PTBP2: variants seen among roughly 807,000 people sequenced by gnomAD.
The protein encoded by PTBP2 is polypyrimidine tract binding protein 2.
PTBP2 carries 13 observed loss-of-function variants against 61.4 expected under a neutral mutation model. That is an observed-to-expected ratio of 0.21 (90% CI 0.14 to 0.34). The LOEUF (loss-of-function observed/expected upper bound fraction) is 0.34, where lower values mean the gene tolerates loss of function less well. Among genes scored for constraint, PTBP2 ranks in the 10% least tolerant of loss-of-function variants. PTBP2 has a pLI of 1.00. For missense variants in PTBP2, 405 were observed against 642.6 expected, an observed-to-expected ratio of 0.63 and a Z score of 4.00; for synonymous variants, 215 against 218.5, an observed-to-expected ratio of 0.98 and a Z score of 0.14.
intron 2 of PTBP2, 74 bp downstream of exon 2, chr1:96,723,668 C>A: frequency 1.5e-6 from 2 of 1,339,074 alleles, no homozygotes; most frequent in African/African-American, 1.4e-5. Context: ...TTAGCTTTTG[C>A]TTTTGAAAAC....
intron 2 of PTBP2, among the ~76,000 whole-genome samples, chr1:96,726,267 C>T (rs1461925120): frequency 6.7e-6 from 1 of 148,340 alleles, no homozygotes; most frequent in Non-Finnish European, 1.5e-5. Flanking sequence ...TTTTGGCCCA[C>T]ATCTTGCCTT....
At chr1:96,743,612 A>C (rs1019214451) in intron 2 of PTBP2, among the ~76,000 whole-genome samples, 1 of 152,156 alleles carries the variant, frequency 6.6e-6, no homozygotes, top group African/African-American at 2.4e-5. Flanking sequence ...CTGTTTGGTC[A>C]TACGTAAGTA....
Position 96,751,510 on chromosome 1 carries a change from ACT to A in PTBP2, c.115+15_115+16del, listed in dbSNP as rs1570786859. 6.2e-7 allele frequency: 1 copy of A among 1,604,448 alleles called. No individual in the cohort carries two copies. Among genetic ancestry groups the A allele is most frequent in the Non-Finnish European group, 8.5e-7 (1 of 1,172,148 alleles). ...AGCATGGTAGTTACAGGTAAGTGTT[ACT>A]CTCTTAGCAGTCTGTCATTTGCCAT... On this transcript the variant is annotated intron_variant, in intron 3 of 13. Coordinates refer to ENST00000674951, the MANE Select transcript of PTBP2 (RefSeq NM_021190.4).
intron 2 of PTBP2, among the ~76,000 whole-genome samples, chr1:96,750,307 C>G (rs1654375131): frequency 6.6e-6 from 1 of 151,904 alleles, no homozygotes; most frequent in African/African-American, 2.4e-5. Context: ...GCCAGATCTT[C>G]CATATCTTGA....
chr1:96,815,701 A>G (rs1240314208), downstream of PTBP2: 2 of 152,194 alleles, frequency 1.3e-5, no homozygotes, highest in African/African-American at 4.8e-5. Flanking sequence ...TAATGTAGTA[A>G]TTCAGTTACC....
At position 96,777,927 on chromosome 1, in the gene PTBP2, A is replaced by G. The variant is rs1658211119; in HGVS notation, c.689A>G (p.Asn230Ser). ...QALLQYGDPVNAQQAKLALDG... is the reference protein window; with the variant it reads ...QALLQYGDPVSAQQAKLALDG... ...TTGCTCCAGTATGGTGATCCAGTAA[A>G]TGCTCAACAAGCAAAACTAGTAAGT... Residue 230 changes from asparagine to serine, a missense_variant, in exon 7 of 14, where the codon AAT becomes AGT. Asn to Ser is a conservative substitution (Grantham distance 46, BLOSUM62 1). Around this residue, in one of 4 missense-constraint regions of PTBP2, gnomAD observed 342 missense variants for 491.2 expected, o/e 0.70. Transcript: ENST00000674951. 3 of 1,565,176 alleles carry G rather than the reference A, an allele frequency of 1.9e-6. No individual in the cohort carries two copies. Among genetic ancestry groups the G allele is most frequent in the Non-Finnish European group, 2.6e-6 (3 of 1,154,168 alleles).
chr1:96,806,807 G>T (rs1340136846), intron 10 of PTBP2, 59 bp from the exon 11 acceptor site: 17 of 1,249,344 alleles, frequency 1.4e-5, no homozygotes, highest in Non-Finnish European at 4.6e-6. Flanking sequence ...TAATCTTTAG[G>T]TGACTTCCAC....
intron 2 of PTBP2, among the ~76,000 whole-genome samples, chr1:96,745,075 T>C (rs1394746317): frequency 6.6e-6 from 1 of 152,198 alleles, no homozygotes; most frequent in Non-Finnish European, 1.5e-5. Context: ...GTGAGAATGT[T>C]ATGAAATATA....
intron 2 of PTBP2, 88 bp from the exon 3 acceptor site, chr1:96,751,337 G>A: frequency 1.9e-6 from 2 of 1,036,456 alleles, no homozygotes; most frequent in South Asian, 2.6e-5. Flanking sequence ...TCCCAATAGT[G>A]TAACATTTGA....
At chr1:96,752,806 A>C (rs1466338693) in intron 3 of PTBP2, among the ~76,000 whole-genome samples, 1 of 152,170 alleles carries the variant, frequency 6.6e-6, no homozygotes, top group Non-Finnish European at 1.5e-5. Flanking sequence ...AAAGTATGTA[A>C]CTGAATAAAA....
In PTBP2 at chr1:96,737,058, C is replaced by A. The variant is rs1652302577; in HGVS notation, c.39+13464C>A. On this transcript the variant is annotated intron_variant, in intron 2 of 13. Transcript: ENST00000674951. The stretch of plus-strand genomic sequence containing the variant: ...ACAGTGGCTCTATCTCTGCTTCCTG[C>A]AAGCTCTGCCTCCTGGGTTCACGCC... 5.9e-5 allele frequency among the ~76,000 whole-genome samples: 9 copies of A among 152,020 alleles called. No homozygotes were observed. In the South Asian group the frequency reaches 1.9e-3, roughly 32 times the overall value.
At chr1:96,768,380 G>A (rs906456049) in intron 3 of PTBP2, among the ~76,000 whole-genome samples, 1 of 152,074 alleles carries the variant, frequency 6.6e-6, no homozygotes, top group Non-Finnish European at 1.5e-5. Context: ...TCTTATAGAT[G>A]TTGTTGAACA....
At chr1:96,774,813 T>TA (rs1438693778) in intron 5 of PTBP2, among the ~76,000 whole-genome samples, 1 of 152,228 alleles carries the variant, frequency 6.6e-6, no homozygotes, top group African/African-American at 2.4e-5. Flanking sequence ...ATGCTCAGGC[T>TA]AAAGGCCCTT....
intron 11 of PTBP2, 31 bp from the exon 12 acceptor site, chr1:96,812,681 G>C: frequency 3.4e-6 from 5 of 1,452,254 alleles, no homozygotes; most frequent in Non-Finnish European, 4.8e-6. Context: ...CTTTGATATT[G>C]TTTGTTAATA....
intron 11 of PTBP2, among the ~76,000 whole-genome samples, chr1:96,812,121 A>T (rs1662142721): frequency 6.6e-6 from 1 of 152,192 alleles, no homozygotes; most frequent in Admixed American, 6.5e-5. Context: ...CAGACTGGGA[A>T]AGGTATAAGC....
intron 5 of PTBP2, among the ~76,000 whole-genome samples, chr1:96,772,448 A>G (rs967523040): frequency 7.2e-5 from 11 of 152,060 alleles, no homozygotes; most frequent in Admixed American, 2.0e-4. Flanking sequence ...CCAAATGTCT[A>G]TTTTACAATG....
chr1:96,776,505 A>G (rs143621493), intron 5 of PTBP2, among the ~76,000 whole-genome samples: 1 of 152,092 alleles, frequency 6.6e-6, no homozygotes, highest in Non-Finnish European at 1.5e-5. Flanking sequence ...GTGGTTATAT[A>G]ATATTTTAGT....
intron 2 of PTBP2, among the ~76,000 whole-genome samples, chr1:96,727,642 C>G (rs559311596): frequency 6.6e-6 from 1 of 152,044 alleles, no homozygotes; most frequent in African/African-American, 2.4e-5. Context: ...CCTCTAATAT[C>G]TATGATGTTG....
chr1:96,757,144 C>CT (rs1475415816), intron 3 of PTBP2, among the ~76,000 whole-genome samples: 3 of 152,118 alleles, frequency 2.0e-5, no homozygotes, highest in Admixed American at 6.5e-5. Context: ...TATTACTGGT[C>CT]TAAGTAGTCC....
Sources: gnomAD v4.1 joint callset for allele counts (sites outside exome capture counted in the v4.1 genomes callset) on GRCh38, gnomAD v4.1.1 for gene constraint, gnomAD v4.1.1 regional missense constraint, MANE v1.5 for transcripts, NCBI Gene and HGNC (gene_info 2026-07-23, HGNC 2026-07-21) for gene names.